Variants in RPS6KA6 observed in about 807,000 individuals in gnomAD.
RPS6KA6 encodes ribosomal protein S6 kinase A6.
Under a neutral mutation model 65.4 loss-of-function variants are expected in RPS6KA6, and 27 were observed. That is an observed-to-expected ratio of 0.41 (90% CI 0.30 to 0.57). RPS6KA6 has a LOEUF of 0.57. Ranked by LOEUF, RPS6KA6 falls within the 20% of genes least tolerant of loss-of-function variation. RPS6KA6 has a pLI of 0.24. For synonymous variants in RPS6KA6, 190 were observed against 184.2 expected (o/e 1.03, Z -0.26); for missense variants, 486 against 555.6 (o/e 0.87, Z 1.26).
intron 2 of RPS6KA6, among the ~76,000 whole-genome samples, chrX:84,158,084 G>T (rs1474078059): frequency 9.1e-6 from 1 of 109,980 alleles, no homozygotes; most frequent in East Asian, 2.8e-4. Flanking sequence ...TTAAATGCAG[G>T]TATTACACCA....
chrX:84,089,617 G>T (rs1449611985), intron 20 of RPS6KA6, among the ~76,000 whole-genome samples: 1 of 110,440 alleles, frequency 9.1e-6, no homozygotes, highest in Non-Finnish European at 1.9e-5. Flanking sequence ...GGAATCTACT[G>T]ATCCATGGGT....
intron 1 of RPS6KA6, among the ~76,000 whole-genome samples, chrX:84,173,565 G>A (rs1329539125): frequency 8.9e-6 from 1 of 112,525 alleles, no homozygotes. Context: ...AATGCTGCCT[G>A]TATAGAGAAT....
intron 2 of RPS6KA6, among the ~76,000 whole-genome samples, chrX:84,159,214 G>T (rs1460213070): frequency 9.1e-6 from 1 of 109,977 alleles, no homozygotes; most frequent in Non-Finnish European, 1.9e-5. Context: ...TCTGCTCCCT[G>T]CCCCATTCTT....
chrX:84,106,283 C>G, intron 15 of RPS6KA6, 82 bp downstream of exon 15: 1 of 841,727 alleles, frequency 1.2e-6, no homozygotes, highest in Non-Finnish European at 1.7e-6. Context: ...TTCATTTACT[C>G]CACTGAAAAT....
chrX:84,067,597 G>A (rs939441411), intron 20 of RPS6KA6, among the ~76,000 whole-genome samples: 4 of 111,709 alleles, frequency 3.6e-5, no homozygotes, highest in Non-Finnish European at 7.5e-5. Context: ...AACGAACAAA[G>A]CCTCCAATAA....
intron 3 of RPS6KA6, 62 bp from the exon 4 acceptor site, chrX:84,148,185 C>T: frequency 1.5e-6 from 1 of 667,031 alleles, no homozygotes; most frequent in South Asian, 2.7e-5. Context: ...TCTTGCTCTA[C>T]ACAAACACAC....
intron 20 of RPS6KA6, among the ~76,000 whole-genome samples, chrX:84,066,642 T>C (rs906530010): frequency 3.2e-4 from 36 of 111,293 alleles, no homozygotes; most frequent in Non-Finnish European, 5.1e-4. Flanking sequence ...CCCATTTCCC[T>C]GGGACAGAGC....
At chrX:84,133,131 T>G (rs1373526821) in intron 8 of RPS6KA6, among the ~76,000 whole-genome samples, 1 of 112,082 alleles carries the variant, frequency 8.9e-6, no homozygotes, top group Non-Finnish European at 1.9e-5. Flanking sequence ...GTTATTTATA[T>G]TCTACTGCTC....
At chrX:84,089,610 A>G (rs1312229579) in intron 20 of RPS6KA6, among the ~76,000 whole-genome samples, 1 of 110,311 alleles carries the variant, frequency 9.1e-6, no homozygotes, top group Non-Finnish European at 1.9e-5. Context: ...TCATGAGGGA[A>G]TCTACTGATC....
At chrX:84,078,047 C>A (rs2033699132) in intron 20 of RPS6KA6, among the ~76,000 whole-genome samples, 1 of 111,821 alleles carries the variant, frequency 8.9e-6, no homozygotes. Context: ...GAAATGACTT[C>A]TTTGAAAGAC....
intron 20 of RPS6KA6, among the ~76,000 whole-genome samples, chrX:84,084,302 T>C (rs890986897): frequency 7.1e-5 from 8 of 112,521 alleles, no homozygotes; most frequent in Non-Finnish European, 1.5e-4. Context: ...ATGTCCTGAA[T>C]GGTATTGCCT....
intron 12 of RPS6KA6, among the ~76,000 whole-genome samples, chrX:84,108,483 G>C (rs1465353998): frequency 9.0e-6 from 1 of 111,518 alleles, no homozygotes; most frequent in African/African-American, 3.3e-5. Context: ...AGAAGTGATG[G>C]AATTGGGAAT....
Position 84,064,255 on chromosome X carries a change from T to C in RPS6KA6, c.*22A>G, listed in dbSNP as rs2147314314. 1.7e-6 allele frequency: 2 copies of C among 1,200,223 alleles called. No homozygotes were observed. The highest frequency in any genetic ancestry group is 5.9e-5 in the East Asian group (2 of 33,674). ...CATTTAATTTCATCTTCATCCAGTTTGGCCTAGGAACACCACAAATCTTAC... is the reference window on the plus strand; with the variant it reads ...CATTTAATTTCATCTTCATCCAGTTCGGCCTAGGAACACCACAAATCTTAC... On this transcript the variant is annotated 3_prime_UTR_variant, in exon 22 of 22. Transcript: ENST00000262752.
intron 17 of RPS6KA6, 131 bp downstream of exon 17, chrX:84,104,368 G>A: frequency 3.0e-6 from 1 of 333,884 alleles, no homozygotes; most frequent in Non-Finnish European, 5.0e-6. Context: ...ACTACATTGT[G>A]AGTTCTATTA....
At chrX:84,172,812 G>A (rs968240877) in intron 1 of RPS6KA6, among the ~76,000 whole-genome samples, 3 of 111,639 alleles carry the variant, frequency 2.7e-5, no homozygotes, top group Non-Finnish European at 5.6e-5. Context: ...TCTGACACAC[G>A]CTGCAACATG....
In RPS6KA6 at chrX:84,060,938, G is replaced by C. The variant is rs762861210; in HGVS notation, c.*3339C>G. 38 of 112,194 alleles carry C rather than the reference G, an allele frequency of 3.4e-4. No homozygotes were observed. The highest frequency in any genetic ancestry group is 1.2e-3 in the African/African-American group (38 of 30,908). The allele number at this position is 112,194 out of a possible 1,213,427, so 9.2% of individuals were successfully genotyped here. Reference sequence around the variant, plus strand: ...AGATAGCTTTCCTTTCACCTTTTTAGCTGGAAATGTCTGTTCTGATAGAAT... The same window carrying C: ...AGATAGCTTTCCTTTCACCTTTTTACCTGGAAATGTCTGTTCTGATAGAAT... On this transcript the variant is annotated 3_prime_UTR_variant, in exon 22 of 22. Coordinates refer to ENST00000262752, the MANE Select transcript of RPS6KA6 (RefSeq NM_014496.5).
At chrX:84,073,929 T>C (rs1192609959) in intron 20 of RPS6KA6, among the ~76,000 whole-genome samples, 1 of 111,432 alleles carries the variant, frequency 9.0e-6, no homozygotes, top group African/African-American at 3.3e-5. Flanking sequence ...GGTGGGAATG[T>C]AAACTAGTAC....
chrX:84,109,613 C>T (rs2034430830), intron 12 of RPS6KA6, among the ~76,000 whole-genome samples: 1 of 110,827 alleles, frequency 9.0e-6, no homozygotes, highest in Non-Finnish European at 1.9e-5. Flanking sequence ...TCTGCAACTG[C>T]CTAAGTGTTT....
In RPS6KA6 at chrX:84,059,239, C is replaced by G. The variant is rs1368726160; in HGVS notation, c.*5038G>C. ...CTCTGCCTCCCAGGTTCAAGTGATT[C>G]TCCTGTCTCAGCCTCCTGAGTAGCT... On this transcript the variant is annotated 3_prime_UTR_variant, in exon 22 of 22. Transcript: ENST00000262752. The G allele has an allele frequency of 3.1e-5, 3 of 97,962 alleles. No individual in the cohort carries two copies. The highest frequency in any genetic ancestry group is 1.1e-4 in the African/African-American group (3 of 26,176). The allele number at this position is 97,962 out of a possible 1,213,427, so 8.1% of individuals were successfully genotyped here.
Sources: allele counts gnomAD v4.1 joint callset (sites outside exome capture counted in the v4.1 genomes callset), GRCh38; gene constraint gnomAD v4.1.1; transcripts MANE v1.5; gene names NCBI Gene and HGNC (gene_info 2026-07-23, HGNC 2026-07-21).